WWOX: variants seen among roughly 807,000 people sequenced by gnomAD.
WWOX encodes the protein WW domain containing oxidoreductase, also known as WW domain-containing oxidoreductase.
A neutral mutation model predicts 46.2 loss-of-function variants in WWOX; 69 were observed. The ratio of observed to expected loss-of-function variants is 1.49; its 90% CI spans 1.23 to 1.82. WWOX has a LOEUF of 1.82. Among genes scored for constraint, WWOX ranks in the 40% most tolerant of loss-of-function variants. The pLI, the probability that WWOX is intolerant of heterozygous loss-of-function variation, is 0.00. For missense variants in WWOX, 919 were observed against 542.6 expected (o/e 1.69, Z -6.89); for synonymous variants, 359 against 202.6 (o/e 1.77, Z -6.56).
chr16:78,907,536 T>A (rs780182615), intron 8 of WWOX, among the ~76,000 whole-genome samples: 8 of 151,688 alleles, frequency 5.3e-5, no homozygotes, highest in Non-Finnish European at 7.4e-5. Context: ...GTACTAAATA[T>A]CCCCCCAAAG....
At chr16:79,009,466 C>T (rs1333547922) in intron 8 of WWOX, among the ~76,000 whole-genome samples, 2 of 151,910 alleles carry the variant, frequency 1.3e-5, no homozygotes, top group Non-Finnish European at 2.9e-5. Flanking sequence ...GGCCCATCAT[C>T]AAATTTTCTT....
At chr16:78,529,629 G>A (rs1415458943) in intron 8 of WWOX, among the ~76,000 whole-genome samples, 1 of 151,878 alleles carries the variant, frequency 6.6e-6, no homozygotes, top group African/African-American at 2.4e-5. Context: ...ATCACACCTG[G>A]CAATTTTTTT....
intron 5 of WWOX, among the ~76,000 whole-genome samples, chr16:78,175,144 G>T (rs1394849875): frequency 6.6e-6 from 1 of 152,046 alleles, no homozygotes; most frequent in Non-Finnish European, 1.5e-5. Context: ...TCAGTGCCCT[G>T]GTATGGAGCT....
At chr16:78,893,925 C>G (rs895540184) in intron 8 of WWOX, among the ~76,000 whole-genome samples, 1 of 152,040 alleles carries the variant, frequency 6.6e-6, no homozygotes, top group Non-Finnish European at 1.5e-5. Context: ...TTTTCCTTGA[C>G]AGATTTGTTA....
In WWOX at chr16:78,954,656, T is replaced by C. The variant is rs78511635; in HGVS notation, c.1057-256952T>C. Among the ~76,000 whole-genome samples the C allele has an allele frequency of 3.3e-3, 505 of 152,234 alleles. 3 individuals carry two copies. Among genetic ancestry groups the C allele is most frequent in the African/African-American group, 0.012 (481 of 41,544 alleles). On this transcript the variant is annotated intron_variant, in intron 8 of 8. Transcript: ENST00000566780. ...ACCTGACCTCAATGATTTTTTGATA[T>C]AGAAGCATAGGCACATAAATAAATT...
At chr16:79,005,313 G>T (rs538480063) in intron 8 of WWOX, among the ~76,000 whole-genome samples, 1 of 152,292 alleles carries the variant, frequency 6.6e-6, no homozygotes, top group East Asian at 1.9e-4. Context: ...GCAACACACA[G>T]TTTCCTAGAA....
At chr16:78,754,593 G>C (rs753122523) in intron 8 of WWOX, among the ~76,000 whole-genome samples, 9 of 152,048 alleles carry the variant, frequency 5.9e-5, no homozygotes, top group Non-Finnish European at 1.3e-4. Flanking sequence ...TTATCAACCA[G>C]TTGCAGTCTT....
chr16:78,370,129 CCA>C (rs2081636327), intron 5 of WWOX, among the ~76,000 whole-genome samples: 1 of 9,030 alleles, frequency 1.1e-4, no homozygotes, highest in Non-Finnish European at 3.1e-4. Flanking sequence ...AAGACTGTCT[CCA>C]AAAAAAAAAA....
intron 8 of WWOX, among the ~76,000 whole-genome samples, chr16:78,769,773 A>T (rs2050018879): frequency 6.6e-6 from 1 of 151,310 alleles, no homozygotes; most frequent in Admixed American, 6.6e-5. Flanking sequence ...TTGGAAGGCC[A>T]AGGTGGAAGG....
chr16:78,760,899 C>T (rs905632032), intron 8 of WWOX, among the ~76,000 whole-genome samples: 3 of 152,118 alleles, frequency 2.0e-5, no homozygotes, highest in Admixed American at 6.6e-5. Flanking sequence ...AGGGGAAAGG[C>T]GCATCTCACG....
rs1404147017 is a variant in WWOX, at chr16:78,344,765, A to C, written c.517-42095A>C. Among the ~76,000 whole-genome samples the C allele has an allele frequency of 1.6e-5, 2 of 122,048 alleles. 1 individual carries two copies. The highest frequency in any genetic ancestry group is 3.9e-5 in the Non-Finnish European group (2 of 50,932). The allele number at this position is 122,048 out of a possible 152,430, so 80.1% of individuals were successfully genotyped here. A position where few individuals can be genotyped will look rare whatever the true frequency, so the allele number is the denominator to read the frequency against. On this transcript the variant is annotated intron_variant, in intron 5 of 8. Coordinates refer to ENST00000566780, the MANE Select transcript of WWOX (RefSeq NM_016373.4). ...CCAAGTCAGTTGCCATTTGGCCCTG[A>C]TAAAGCTGTACTTTCTCACTTGTTC...
At chr16:78,498,214 A>G (rs76294219) in intron 8 of WWOX, among the ~76,000 whole-genome samples, 1,632 of 128,202 alleles carry the variant, frequency 0.013, 73 homozygotes, top group African/African-American at 0.043. Flanking sequence ...CAAAAAAAAA[A>G]AAAAGAAAAA....
intron 5 of WWOX, among the ~76,000 whole-genome samples, chr16:78,330,104 G>A (rs970184601): frequency 1.3e-5 from 2 of 151,950 alleles, no homozygotes; most frequent in Non-Finnish European, 2.9e-5. Flanking sequence ...TGTCCTTAAC[G>A]CGTAAATGTT....
intron 8 of WWOX, among the ~76,000 whole-genome samples, chr16:78,436,730 G>A (rs2083343086): frequency 1.3e-5 from 2 of 152,116 alleles, no homozygotes; most frequent in South Asian, 4.1e-4. Context: ...TTTAGGAGAG[G>A]AATCACTGTG....
chr16:78,681,068 G>C (rs944296825), intron 8 of WWOX, among the ~76,000 whole-genome samples: 15 of 152,156 alleles, frequency 9.9e-5, no homozygotes, highest in African/African-American at 3.6e-4. Context: ...GGCTAACATG[G>C]TGAAACCCCA....
chr16:78,533,360 G>T (rs895866515), intron 8 of WWOX, among the ~76,000 whole-genome samples: 1 of 151,710 alleles, frequency 6.6e-6, no homozygotes, highest in African/African-American at 2.4e-5. Flanking sequence ...GGCCACATTG[G>T]AAGAAAAAGA....
chr16:78,736,573 C>A (rs1468305166), intron 8 of WWOX, among the ~76,000 whole-genome samples: 2 of 146,846 alleles, frequency 1.4e-5, no homozygotes, highest in Non-Finnish European at 3.0e-5. Flanking sequence ...TCTTCTCTTT[C>A]TTTCTTGTTT....
chr16:78,125,307 A>T (rs1223942264), intron 4 of WWOX, among the ~76,000 whole-genome samples: 3 of 152,140 alleles, frequency 2.0e-5, no homozygotes, highest in Non-Finnish European at 4.4e-5. Flanking sequence ...CCTGCAGGAT[A>T]GATCAAAGGG....
At chr16:78,883,801 A>G (rs957776860) in intron 8 of WWOX, among the ~76,000 whole-genome samples, 3 of 152,184 alleles carry the variant, frequency 2.0e-5, no homozygotes, top group Non-Finnish European at 4.4e-5. Context: ...GGGAAAGACA[A>G]TAAACAGCGT....
Sources: allele counts gnomAD v4.1 joint callset (sites outside exome capture counted in the v4.1 genomes callset), GRCh38; gene constraint gnomAD v4.1.1; transcripts MANE v1.5; gene names NCBI Gene and HGNC (gene_info 2026-07-23, HGNC 2026-07-21).